NETO1: variants seen among roughly 807,000 people sequenced by gnomAD.
The protein encoded by NETO1 is neuropilin and tolloid-like protein 1.
In NETO1, 26 loss-of-function variants were observed where a neutral mutation model predicts 61.3. The observed-to-expected ratio is 0.42, with a 90% CI of 0.31 to 0.59. The LOEUF is 0.59. Ranked by LOEUF, NETO1 falls within the 20% of genes least tolerant of loss-of-function variation. The pLI is 0.12. For missense variants in NETO1, 531 were observed against 662.8 expected (o/e 0.80, Z 2.18); for synonymous variants, 225 against 225.8 (o/e 1.00, Z 0.03).
chr18:72,780,607 T>A (rs1476183563), intron 7 of NETO1, among the ~76,000 whole-genome samples: 1 of 152,148 alleles, frequency 6.6e-6, no homozygotes, highest in Non-Finnish European at 1.5e-5. Context: ...TCAGATCCAA[T>A]CACCCATCTA....
At chr18:72,864,105 G>GC (rs1364609489) in intron 3 of NETO1, among the ~76,000 whole-genome samples, 3 of 152,040 alleles carry the variant, frequency 2.0e-5, no homozygotes, top group African/African-American at 7.2e-5. Flanking sequence ...TGTGATCCCA[G>GC]CTACTCGGGA....
Position 72,751,566 on chromosome 18 carries a change from C to T in NETO1, c.983-946G>A, listed in dbSNP as rs548246133. ...GAGTGGCTGAGATGTCTGGGGCTCC[C>T]GAGGTTCCTCCTCTCAGCCTTCACT... On this transcript the variant is annotated intron_variant, in intron 8 of 10. Transcript: ENST00000327305. Among the ~76,000 whole-genome samples the T allele has an allele frequency of 2.3e-4, 35 of 152,270 alleles. 1 individual carries two copies. Among genetic ancestry groups the T allele is most frequent in the African/African-American group, 8.2e-4 (34 of 41,556 alleles).
intron 4 of NETO1, among the ~76,000 whole-genome samples, chr18:72,843,988 C>CA (rs1206500305): frequency 6.6e-6 from 1 of 152,222 alleles, no homozygotes; most frequent in Non-Finnish European, 1.5e-5. Context: ...AGTTCTCCAA[C>CA]AAGCTCCTCT....
rs118188618 is a variant in NETO1, at chr18:72,769,218, C to T, written c.869-13071G>A. 7.6e-3 allele frequency among the ~76,000 whole-genome samples: 1,151 copies of T among 152,120 alleles called. 9 individuals carry two copies. The highest frequency in any genetic ancestry group is 8.9e-3 in the Non-Finnish European group (604 of 68,008). ...TTACCAAAGTGAATTCAAGGGTGTA[C>T]GCACTCATATCAAGGGGAGAGAAAG... On this transcript the variant is annotated intron_variant, in intron 7 of 10. Transcript: ENST00000327305.
chr18:72,765,404 T>C (rs2071118856), intron 7 of NETO1, among the ~76,000 whole-genome samples: 1 of 151,978 alleles, frequency 6.6e-6, no homozygotes, highest in African/African-American at 2.4e-5. Context: ...ACAGACTATA[T>C]ATCACAATAA....
intron 6 of NETO1, among the ~76,000 whole-genome samples, chr18:72,790,134 T>G (rs907629061): frequency 6.6e-6 from 1 of 152,140 alleles, no homozygotes; most frequent in Admixed American, 6.6e-5. Context: ...AGCTAGAGTT[T>G]TATTATCCAA....
intron 7 of NETO1, among the ~76,000 whole-genome samples, chr18:72,778,436 T>G (rs907701270): frequency 6.6e-6 from 1 of 152,218 alleles, no homozygotes; most frequent in Non-Finnish European, 1.5e-5. Flanking sequence ...TCTAAATCTT[T>G]TCTTTCTTCT....
intron 4 of NETO1, among the ~76,000 whole-genome samples, chr18:72,833,386 C>A (rs1453157580): frequency 1.3e-5 from 2 of 152,106 alleles, no homozygotes; most frequent in Non-Finnish European, 2.9e-5. Context: ...TCTCTGATAT[C>A]ATCCTATTTT....
chr18:72,772,539 A>G (rs867387219), intron 7 of NETO1, among the ~76,000 whole-genome samples: 30 of 152,020 alleles, frequency 2.0e-4, no homozygotes, highest in African/African-American at 6.3e-4. Context: ...TGGGAGAGGC[A>G]TAGAATTCTA....
intron 4 of NETO1, among the ~76,000 whole-genome samples, chr18:72,839,949 T>C (rs77328585): frequency 0.022 from 3,336 of 152,316 alleles, 57 homozygotes; most frequent in Middle Eastern, 0.031. Flanking sequence ...GAACATCCAG[T>C]TAATAAATGC....
intron 6 of NETO1, among the ~76,000 whole-genome samples, chr18:72,791,666 T>C (rs561059670): frequency 5.5e-4 from 84 of 152,328 alleles, no homozygotes; most frequent in Middle Eastern, 3.4e-3. Context: ...ATTTACACTG[T>C]CATGAAAACT....
At chr18:72,864,577 G>T (rs1171880058) in intron 3 of NETO1, among the ~76,000 whole-genome samples, 1 of 152,152 alleles carries the variant, frequency 6.6e-6, no homozygotes, top group African/African-American at 2.4e-5. Context: ...CTCCTAAGTT[G>T]TTCATCTGTT....
downstream of NETO1, chr18:72,742,549 A>G (rs2070360133): frequency 6.6e-6 from 1 of 152,342 alleles, no homozygotes; most frequent in Non-Finnish European, 1.5e-5. Context: ...GTTATAATAC[A>G]TACTTTTACA....
At chr18:72,780,551 C>T (rs1415994494) in intron 7 of NETO1, among the ~76,000 whole-genome samples, 3 of 152,156 alleles carry the variant, frequency 2.0e-5, no homozygotes, top group Non-Finnish European at 4.4e-5. Context: ...ACCTAACCTA[C>T]ACAGATGATT....
intron 6 of NETO1, among the ~76,000 whole-genome samples, chr18:72,788,583 CAG>C (rs1193048565): frequency 1.3e-5 from 2 of 151,776 alleles, no homozygotes; most frequent in Non-Finnish European, 1.5e-5. Flanking sequence ...AAATGATAAA[CAG>C]AGTAATACAT....
intron 4 of NETO1, among the ~76,000 whole-genome samples, chr18:72,850,091 T>C (rs757519679): frequency 1.3e-5 from 2 of 152,238 alleles, no homozygotes; most frequent in Non-Finnish European, 2.9e-5. Context: ...CTCTTTGCCA[T>C]AGAACTTGAC....
chr18:72,833,176 A>G (rs998166689), intron 4 of NETO1, among the ~76,000 whole-genome samples: 29 of 151,678 alleles, frequency 1.9e-4, no homozygotes, highest in Middle Eastern at 3.2e-3. Context: ...ACGCATCTGT[A>G]TATTGATACA....
At chr18:72,775,465 T>C (rs928956196) in intron 7 of NETO1, among the ~76,000 whole-genome samples, 9 of 152,142 alleles carry the variant, frequency 5.9e-5, no homozygotes, top group Non-Finnish European at 8.8e-5. Flanking sequence ...TGTTTCAGAA[T>C]AGAAACCTCT....
chr18:72,807,706 G>A (rs1217181885), intron 4 of NETO1, among the ~76,000 whole-genome samples: 1 of 122,776 alleles, frequency 8.1e-6, no homozygotes, highest in Non-Finnish European at 1.7e-5. Flanking sequence ...ACAGAACAAT[G>A]AAGACAAGAA....
Sources: allele counts gnomAD v4.1 joint callset (sites outside exome capture counted in the v4.1 genomes callset), GRCh38; gene constraint gnomAD v4.1.1; transcripts MANE v1.5; gene names NCBI Gene and HGNC (gene_info 2026-07-23, HGNC 2026-07-21).